The following HTR2A variants were observed in gnomAD, a reference collection of about 807,000 sequenced individuals.
HTR2A encodes 5-HT2 receptor.
A neutral mutation model predicts 31.0 loss-of-function variants in HTR2A; 14 were observed. The ratio of observed to expected loss-of-function variants is 0.45; its 90% CI spans 0.30 to 0.71. The LOEUF (loss-of-function observed/expected upper bound fraction) is 0.71, where lower values mean the gene tolerates loss of function less well. Among genes scored for constraint, HTR2A ranks in the 30% least tolerant of loss-of-function variants. The pLI is 0.09. For synonymous variants in HTR2A, 209 were observed against 225.2 expected (o/e 0.93, Z 0.64); for missense variants, 442 against 573.3 (o/e 0.77, Z 2.34).
chr13:46,854,042 C>T (rs1050471644), intron 3 of HTR2A: 1 of 152,110 alleles, frequency 6.6e-6, no homozygotes, highest in Non-Finnish European at 1.5e-5. Flanking sequence ...AAAACTAGCC[C>T]AAGTGACTGA....
chr13:46,842,399 G>A (rs1441082635), intron 3 of HTR2A, among the ~76,000 whole-genome samples: 3 of 152,290 alleles, frequency 2.0e-5, no homozygotes, highest in African/African-American at 7.2e-5. Flanking sequence ...TGGAGAATGA[G>A]TCTTACATGT....
At chr13:46,877,265 C>T (rs1044172323) in intron 3 of HTR2A, among the ~76,000 whole-genome samples, 12 of 152,136 alleles carry the variant, frequency 7.9e-5, no homozygotes, top group Admixed American at 2.6e-4. Flanking sequence ...GATTCTTGCA[C>T]GCTTTCCAAA....
At chr13:46,847,605 G>A (rs1054067337) in intron 3 of HTR2A, among the ~76,000 whole-genome samples, 13 of 152,200 alleles carry the variant, frequency 8.5e-5, no homozygotes, top group African/African-American at 3.1e-4. Context: ...GCTTGGCACA[G>A]GTTTAGAGCT....
At chr13:46,879,863 G>A (rs1026403077) in intron 3 of HTR2A, among the ~76,000 whole-genome samples, 2 of 152,134 alleles carry the variant, frequency 1.3e-5, no homozygotes, top group South Asian at 4.2e-4. Context: ...AAATTAGCCA[G>A]GTGTGGTGAC....
chr13:46,885,086 C>A (rs1324366074), intron 3 of HTR2A, among the ~76,000 whole-genome samples: 1 of 151,788 alleles, frequency 6.6e-6, no homozygotes, highest in Non-Finnish European at 1.5e-5. Context: ...TATGATAAAA[C>A]TTAATTTATA....
In HTR2A at chr13:46,835,360, G is replaced by C. The variant is rs1034308865; in HGVS notation, c.893C>G (p.Ser298Trp). 2.5e-6 allele frequency: 4 copies of C among 1,614,010 alleles called. No homozygotes were observed. Among genetic ancestry groups the C allele is most frequent in the South Asian group, 1.1e-5 (1 of 91,078 alleles). ...SLSSEKLFQR[S>W]IHREPGSYTG... ...GTAGGACCCTGGCTCCCTATGGATCGACCGCTGGAAGAGCTTTTCTGAAGA... is the reference window on the plus strand; with the variant it reads ...GTAGGACCCTGGCTCCCTATGGATCCACCGCTGGAAGAGCTTTTCTGAAGA... The change falls in exon 4 of 4, where the codon TCG (serine) becomes TGG (tryptophan). Residue 298 changes from serine (S) to tryptophan (W), a missense_variant. By Grantham distance (177) the Ser-to-Trp change is radical. Around this residue, in one of 5 missense-constraint regions of HTR2A, gnomAD observed 174 missense variants for 195.1 expected, o/e 0.89. Coordinates refer to ENST00000542664, the MANE Select transcript of HTR2A (RefSeq NM_000621.5).
intron 3 of HTR2A, among the ~76,000 whole-genome samples, chr13:46,860,892 G>A (rs182201797): frequency 4.6e-5 from 7 of 152,338 alleles, no homozygotes; most frequent in Admixed American, 1.3e-4. Flanking sequence ...GGGAAAATGA[G>A]AGGGAGGGAG....
chr13:46,847,686 G>A (rs1950653262), intron 3 of HTR2A, among the ~76,000 whole-genome samples: 3 of 152,044 alleles, frequency 2.0e-5, no homozygotes, highest in African/African-American at 7.2e-5. Context: ...TTGCTCTTGT[G>A]GTCACTGTTC....
intron 3 of HTR2A, among the ~76,000 whole-genome samples, chr13:46,890,625 C>T (rs1225437847): frequency 6.6e-6 from 1 of 152,174 alleles, no homozygotes; most frequent in Non-Finnish European, 1.5e-5. Context: ...TACCTTACTA[C>T]TGGTGTTATC....
intron 3 of HTR2A, among the ~76,000 whole-genome samples, chr13:46,886,155 T>C (rs933026501): frequency 2.6e-5 from 4 of 152,208 alleles, no homozygotes; most frequent in Non-Finnish European, 5.9e-5. Flanking sequence ...TAGAAATTAT[T>C]GGAAAACTTG....
intron 3 of HTR2A, among the ~76,000 whole-genome samples, chr13:46,855,630 TC>T (rs1205623337): frequency 6.6e-6 from 1 of 151,048 alleles, no homozygotes; most frequent in East Asian, 1.9e-4. Context: ...AAGCTTTCCC[TC>T]CCTAAAAAAG....
chr13:46,845,265 T>A (rs1346714961), intron 3 of HTR2A, among the ~76,000 whole-genome samples: 1 of 152,124 alleles, frequency 6.6e-6, no homozygotes, highest in Non-Finnish European at 1.5e-5. Context: ...TTGGTTGGCA[T>A]CCCTGGGAAA....
intron 3 of HTR2A, among the ~76,000 whole-genome samples, chr13:46,837,800 A>C (rs1950571791): frequency 6.6e-6 from 1 of 152,248 alleles, no homozygotes; most frequent in Admixed American, 6.5e-5. Flanking sequence ...TGTAATATTC[A>C]ACACAAATCT....
chr13:46,866,194 G>A (rs536481682), intron 3 of HTR2A, among the ~76,000 whole-genome samples: 1 of 152,228 alleles, frequency 6.6e-6, no homozygotes, highest in Non-Finnish European at 1.5e-5. Flanking sequence ...TGTTTATAGG[G>A]TTCGGAGCAA....
intron 3 of HTR2A, among the ~76,000 whole-genome samples, chr13:46,836,128 C>T (rs1876445343): frequency 1.3e-5 from 2 of 151,694 alleles, no homozygotes; most frequent in Admixed American, 1.3e-4. Flanking sequence ...ACACACTTAC[C>T]ATGTGCACAC....
At chr13:46,850,802 C>T (rs1420549252) in intron 3 of HTR2A, among the ~76,000 whole-genome samples, 4 of 152,184 alleles carry the variant, frequency 2.6e-5, no homozygotes, top group Non-Finnish European at 5.9e-5. Flanking sequence ...GAACTTAATG[C>T]TAAGGACCAG....
chr13:46,842,851 T>G (rs1950609150), intron 3 of HTR2A, among the ~76,000 whole-genome samples: 1 of 152,244 alleles, frequency 6.6e-6, no homozygotes, highest in South Asian at 2.1e-4. Context: ...CTCAGTAGCT[T>G]GCTTGGTATA....
chr13:46,865,803 A>C (rs1566310727), intron 3 of HTR2A, among the ~76,000 whole-genome samples: 2 of 152,360 alleles, frequency 1.3e-5, no homozygotes, highest in East Asian at 3.9e-4. Context: ...TCATTTACTT[A>C]AATATTACAA....
Position 46,895,917 on chromosome 13 carries a change from G to A in HTR2A, c.-11C>T, listed in dbSNP as rs1951100127. On this transcript the variant is annotated 5_prime_UTR_variant, in exon 2 of 4. Coordinates refer to ENST00000542664, the MANE Select transcript of HTR2A (RefSeq NM_000621.5). The surrounding 1 kb of genome is among the most constrained non-coding windows in gnomAD (Gnocchi z 4.4). ...ACAAAGAATATCCATGTCTAAGCCA[G>A]AACTTGTAGCAGATGAGGTGTAGAA... 1.3e-6 allele frequency: 2 copies of A among 1,598,612 alleles called. No individual in the cohort carries two copies. The highest frequency in any genetic ancestry group is 1.7e-6 in the Non-Finnish European group (2 of 1,172,442).
Sources: gnomAD v4.1 joint callset for allele counts (sites outside exome capture counted in the v4.1 genomes callset) on GRCh38, gnomAD v4.1.1 for gene constraint, gnomAD v4.1.1 regional missense constraint, Gnocchi (gnomAD v3.1) non-coding constraint, MANE v1.5 for transcripts, NCBI Gene and HGNC (gene_info 2026-07-23, HGNC 2026-07-21) for gene names.